DNM1: variants seen among roughly 807,000 people sequenced by gnomAD.
DNM1 encodes the protein dynamin 1.
DNM1 carries 29 observed loss-of-function variants against 104.6 expected under a neutral mutation model. The observed-to-expected ratio is 0.28, with a 90% CI of 0.21 to 0.38. The LOEUF (loss-of-function observed/expected upper bound fraction) is 0.38, where lower values mean the gene tolerates loss of function less well. DNM1 is among the 10% of genes least tolerant of loss of function. The pLI, the probability that DNM1 is intolerant of heterozygous loss-of-function variation, is 1.00. For synonymous variants in DNM1, 445 were observed against 475.8 expected (o/e 0.94, Z 0.84); for missense variants, 640 against 1,189.4 (o/e 0.54, Z 6.79).
chr9:128,216,217 T>C (rs1411063727), intron 1 of DNM1, among the ~76,000 whole-genome samples: 6 of 152,282 alleles, frequency 3.9e-5, no homozygotes, highest in East Asian at 3.9e-4. Flanking sequence ...CTGAATTTAA[T>C]TGAATTACAT....
intron 20 of DNM1, 77 bp from the exon 21 acceptor site, chr9:128,250,648 G>A: frequency 7.9e-7 from 1 of 1,267,034 alleles, no homozygotes; most frequent in East Asian, 3.0e-5. Context: ...GGCCAGCACT[G>A]GGCTGGGGCG....
intron 11 of DNM1, among the ~76,000 whole-genome samples, chr9:128,235,300 C>G (rs1350704550): frequency 2.0e-5 from 3 of 151,954 alleles, no homozygotes; most frequent in Non-Finnish European, 4.4e-5. Flanking sequence ...TTGAGACCAG[C>G]CTGGCCAACA....
chr9:128,209,399 G>GAGA (rs1357607816), intron 1 of DNM1, among the ~76,000 whole-genome samples: 1 of 152,184 alleles, frequency 6.6e-6, no homozygotes, highest in African/African-American at 2.4e-5. Flanking sequence ...TGGGAGAGTG[G>GAGA]AGAGGGTGGG....
At position 128,254,040 on chromosome 9, in the gene DNM1, G is replaced by GC. The variant is rs774647948; in HGVS notation, c.2535-608dup. ...CCCAGCCTCACCTACGAGACCTGCA[G>GC]CCCCCCGACCAGCTGAGGCTCCCCT... On this transcript the variant is annotated intron_variant, in intron 21 of 21. Coordinates refer to ENST00000372923, the MANE Select transcript of DNM1 (RefSeq NM_004408.4). This position sits in a 1 kb window ranked among gnomAD's most constrained non-coding sequence, Gnocchi z 6.1. 2.3e-5 allele frequency: 29 copies of GC among 1,236,304 alleles called. No homozygotes were observed. The highest frequency in any genetic ancestry group is 2.4e-5 in the Non-Finnish European group (24 of 991,254). 76.6% of individuals were successfully genotyped at this position (1,236,304 alleles called of 1,614,324 possible). A position where few individuals can be genotyped will look rare whatever the true frequency, so the allele number is the denominator to read the frequency against.
intron 1 of DNM1, among the ~76,000 whole-genome samples, chr9:128,215,831 AC>A (rs1286808872): frequency 6.6e-6 from 1 of 152,186 alleles, no homozygotes; most frequent in Admixed American, 6.5e-5. Context: ...CATGGCAACT[AC>A]TGTTGCCATG....
chr9:128,214,723 C>G (rs1382009744), intron 1 of DNM1, among the ~76,000 whole-genome samples: 1 of 152,242 alleles, frequency 6.6e-6, no homozygotes. Context: ...GATGGCCAGG[C>G]ACAGCCTCCC....
chr9:128,248,234 G>A lies in DNM1; in HGVS notation c.1905+299G>A. The A allele has an allele frequency of 2.0e-6, 1 of 511,410 alleles. No individual in the cohort carries two copies. Among genetic ancestry groups the A allele is most frequent in the South Asian group, 2.1e-5 (1 of 46,768 alleles). 31.7% of individuals were successfully genotyped at this position (511,410 alleles called of 1,614,324 possible). On this transcript the variant is annotated intron_variant, in intron 18 of 21. Coordinates refer to ENST00000372923, the MANE Select transcript of DNM1 (RefSeq NM_004408.4). The surrounding 1 kb of genome is among the most constrained non-coding windows in gnomAD (Gnocchi z 5.6). ...CCCAGCTACTCAGGAGGCTGAGGCA[G>A]GAGAATCGCTTGAACCCAGGAGGAG...
intron 1 of DNM1, among the ~76,000 whole-genome samples, chr9:128,210,043 T>C (rs1259919509): frequency 6.6e-6 from 1 of 150,738 alleles, no homozygotes; most frequent in Non-Finnish European, 1.5e-5. Context: ...GTTTTGTCTG[T>C]TTTGTTTTGT....
intron 6 of DNM1, among the ~76,000 whole-genome samples, chr9:128,221,716 C>T (rs888312069): frequency 1.3e-5 from 2 of 151,882 alleles, no homozygotes; most frequent in African/African-American, 4.8e-5. Context: ...GCCAACAAGG[C>T]GAAAACCTGT....
At chr9:128,219,024 C>T in intron 3 of DNM1, 25 bp from the exon 4 acceptor site, 1 of 1,611,922 alleles carries the variant, frequency 6.2e-7, no homozygotes, top group South Asian at 1.1e-5. Context: ...TCGCCTTGAG[C>T]CCGCCCTCTC....
intron 10 of DNM1, among the ~76,000 whole-genome samples, chr9:128,226,785 G>A (rs1026639695): frequency 6.6e-6 from 1 of 152,108 alleles, no homozygotes; most frequent in Non-Finnish European, 1.5e-5. Context: ...CTATTTGTCT[G>A]CTTTTGGGCA....
chr9:128,238,281 A>G (rs141408504), intron 11 of DNM1, among the ~76,000 whole-genome samples: 57 of 151,802 alleles, frequency 3.8e-4, no homozygotes, highest in African/African-American at 1.4e-3. Context: ...CTGGAGTGCA[A>G]TGGCACAATC....
Position 128,219,841 on chromosome 9 carries a change from A to T in DNM1, c.590-147A>T, listed in dbSNP as rs539588636. On this transcript the variant is annotated intron_variant, in intron 4 of 21. Coordinates refer to ENST00000372923, the MANE Select transcript of DNM1 (RefSeq NM_004408.4). ...AGAATAAATAAAAATCATTTTGGCT[A>T]CTCTGTGGAAAATGAATAAGGGGGA... 5.1e-6 allele frequency: 3 copies of T among 583,058 alleles called. No individual in the cohort carries two copies. In the Admixed American group the frequency reaches 9.4e-5, roughly 18 times the overall value. The allele number at this position is 583,058 out of a possible 1,614,324, so 36.1% of individuals were successfully genotyped here. A position where few individuals can be genotyped will look rare whatever the true frequency, so the allele number is the denominator to read the frequency against.
chr9:128,229,382 A>G (rs1835533342), intron 10 of DNM1, among the ~76,000 whole-genome samples: 1 of 151,846 alleles, frequency 6.6e-6, no homozygotes, highest in Non-Finnish European at 1.5e-5. Flanking sequence ...TAAAATAAAT[A>G]AAAAAGAAGT....
rs2131159938 is a variant in DNM1 at position 128,220,710 on chromosome 9, G to C, written c.849+369G>C. Among the ~76,000 whole-genome samples the C allele has an allele frequency of 7.1e-6, 1 of 141,812 alleles. No individual in the cohort carries two copies. Among genetic ancestry groups the C allele is most frequent in the Middle Eastern group, 3.5e-3 (1 of 284 alleles). The allele number at this position is 141,812 out of a possible 152,430, so 93.0% of individuals were successfully genotyped here. On this transcript the variant is annotated intron_variant, in intron 6 of 21. Transcript: ENST00000372923. The surrounding 1 kb of genome is among the most constrained non-coding windows in gnomAD (Gnocchi z 5.2). ...CCAGGACTTTTCTCCATCTGGAATG[G>C]GGCATCCAGAACTGAAGTGCGCGCG...
intron 11 of DNM1, among the ~76,000 whole-genome samples, chr9:128,236,453 TACTC>T (rs1836017850): frequency 2.0e-5 from 3 of 152,346 alleles, no homozygotes; most frequent in South Asian, 2.1e-4. Context: ...ACATCATAAA[TACTC>T]AATAAAACAT....
At position 128,240,302 on chromosome 9, in the gene DNM1, G is replaced by C; in HGVS notation, c.1557+306G>C. On this transcript the variant is annotated intron_variant, in intron 14 of 21. Coordinates refer to ENST00000372923, the MANE Select transcript of DNM1 (RefSeq NM_004408.4). The surrounding 1 kb of genome is among the most constrained non-coding windows in gnomAD (Gnocchi z 5.1). ...ACATCTGCTGGATGGAGGGATGCAC[G>C]TGAGCAAGACACATTTTTAAGAAGC... is the stretch of plus-strand genomic sequence containing the variant. 1 of 407,458 alleles carries C rather than the reference G, an allele frequency of 2.5e-6. No individual in the cohort carries two copies. Among genetic ancestry groups the C allele is most frequent in the Non-Finnish European group, 4.5e-6 (1 of 224,228 alleles). 25.2% of individuals were successfully genotyped at this position (407,458 alleles called of 1,614,324 possible).
rs1836770158 is a variant in DNM1 at position 128,245,874 on chromosome 9, A to T, written c.1672-520A>T. 6.6e-6 allele frequency among the ~76,000 whole-genome samples: 1 copy of T among 152,116 alleles called. No homozygotes were observed. Among genetic ancestry groups the T allele is most frequent in the Admixed American group, 6.5e-5 (1 of 15,288 alleles). On this transcript the variant is annotated intron_variant, in intron 15 of 21. Transcript: ENST00000372923. This position sits in a 1 kb window ranked among gnomAD's most constrained non-coding sequence, Gnocchi z 5.2. Reference sequence around the variant, plus strand: ...TTGCATGTGTTGGCACAAACACACAACTACACACATGTTGCACACACAGGC... The same window carrying T: ...TTGCATGTGTTGGCACAAACACACATCTACACACATGTTGCACACACAGGC...
At chr9:128,233,653 G>A (rs959420270) in intron 10 of DNM1, 2 of 262,728 alleles carry the variant, frequency 7.6e-6, no homozygotes, top group Non-Finnish European at 1.5e-5. Context: ...GAGTATGAGG[G>A]AACACCTTGG....
Sources: gnomAD v4.1 joint callset for allele counts (sites outside exome capture counted in the v4.1 genomes callset) on GRCh38, gnomAD v4.1.1 for gene constraint, Gnocchi (gnomAD v3.1) non-coding constraint, MANE v1.5 for transcripts, NCBI Gene and HGNC (gene_info 2026-07-23, HGNC 2026-07-21) for gene names.